RFX7: variants seen among roughly 807,000 people sequenced by gnomAD.
RFX7 encodes the protein regulatory factor X7, also known as DNA-binding protein RFX7.
A neutral mutation model predicts 111.8 loss-of-function variants in RFX7; 26 were observed. The ratio of observed to expected loss-of-function variants is 0.23; its 90% CI spans 0.17 to 0.32. The LOEUF (loss-of-function observed/expected upper bound fraction) is 0.32, where lower values mean the gene tolerates loss of function less well. RFX7 is among the 10% of genes least tolerant of loss of function. The pLI is 1.00. For missense variants in RFX7, 1,573 were observed against 1,772.9 expected (o/e 0.89, Z 2.02); for synonymous variants, 624 against 624.4 (o/e 1.00, Z 0.01).
chr15:56,107,061 G>A (rs1421930267), intron 5 of RFX7, among the ~76,000 whole-genome samples: 1 of 151,996 alleles, frequency 6.6e-6, no homozygotes, highest in East Asian at 1.9e-4. Context: ...ACTTTGGGAG[G>A]CCGAGGCAGG....
chr15:56,149,069 C>A (rs576655329), intron 3 of RFX7, among the ~76,000 whole-genome samples: 2 of 141,402 alleles, frequency 1.4e-5, no homozygotes, highest in Non-Finnish European at 3.0e-5. Flanking sequence ...AGCGACAGAG[C>A]GAGACTCCGT....
At position 56,090,182 on chromosome 15, in the gene RFX7, C is replaced by G. The variant is rs1240758460; in HGVS notation, c.*3163G>C. Reference sequence around the variant, plus strand: ...AACACAGCTATGCTTAAAATTTTCTCATTTTCTATTCAGAGCTCCAGAAAT... The same window carrying G: ...AACACAGCTATGCTTAAAATTTTCTGATTTTCTATTCAGAGCTCCAGAAAT... On this transcript the variant is annotated 3_prime_UTR_variant, in exon 10 of 10. Coordinates refer to ENST00000559447, the MANE Select transcript of RFX7 (RefSeq NM_022841.7). The G allele has an allele frequency of 6.6e-6, 1 of 152,174 alleles. No homozygotes were observed. The highest frequency in any genetic ancestry group is 1.5e-5 in the Non-Finnish European group (1 of 68,018). 9.4% of individuals were successfully genotyped at this position (152,174 alleles called of 1,614,324 possible). A position where few individuals can be genotyped will look rare whatever the true frequency, so the allele number is the denominator to read the frequency against.
intron 2 of RFX7, among the ~76,000 whole-genome samples, chr15:56,227,100 T>C (rs1441755151): frequency 6.6e-6 from 1 of 152,228 alleles, no homozygotes; most frequent in Non-Finnish European, 1.5e-5. Context: ...TACATAACAC[T>C]GGCACCAAAT....
intron 3 of RFX7, among the ~76,000 whole-genome samples, chr15:56,148,775 G>C (rs189453658): frequency 2.6e-5 from 4 of 152,208 alleles, no homozygotes; most frequent in Admixed American, 2.0e-4. Context: ...TCACTACTCA[G>C]CTGACAGTTA....
At chr15:56,221,494 G>A (rs1361130588) in intron 2 of RFX7, among the ~76,000 whole-genome samples, 2 of 152,018 alleles carry the variant, frequency 1.3e-5, no homozygotes, top group African/African-American at 4.8e-5. Flanking sequence ...TATATAGTTG[G>A]AGCTTGCTCT....
Position 56,186,023 on chromosome 15 carries a change from C to T in RFX7, c.162-6720G>A, listed in dbSNP as rs148468772. ...TAATGGTTCCAGACCAATTTGTATA[C>T]GGATTTATTGATTTAGAGTCCTTGT... On this transcript the variant is annotated intron_variant, in intron 2 of 9. Coordinates refer to ENST00000559447, the MANE Select transcript of RFX7 (RefSeq NM_022841.7). 4.3e-3 allele frequency among the ~76,000 whole-genome samples: 657 copies of T among 152,250 alleles called. 5 individuals are homozygous for T. Among genetic ancestry groups the T allele is most frequent in the African/African-American group, 0.015 (614 of 41,536 alleles).
At chr15:56,165,380 A>G (rs1305586392) in intron 3 of RFX7, among the ~76,000 whole-genome samples, 1 of 152,234 alleles carries the variant, frequency 6.6e-6, no homozygotes, top group Non-Finnish European at 1.5e-5. Context: ...GACTCACTAC[A>G]CAATTATCTA....
intron 1 of RFX7, 25 bp downstream of exon 1, chr15:56,243,420 G>A (rs905387931): frequency 8.8e-6 from 10 of 1,130,614 alleles, no homozygotes. Flanking sequence ...GAGGAGGAAG[G>A]AAGCTGGATA....
At chr15:56,211,359 C>T (rs150897093) in intron 2 of RFX7, among the ~76,000 whole-genome samples, 3 of 152,142 alleles carry the variant, frequency 2.0e-5, no homozygotes, top group African/African-American at 7.2e-5. Context: ...AAAAACAAAA[C>T]AAACAAAAAC....
chr15:56,105,886 C>A (rs893889689), intron 5 of RFX7, among the ~76,000 whole-genome samples: 1 of 152,046 alleles, frequency 6.6e-6, no homozygotes, highest in Non-Finnish European at 1.5e-5. Flanking sequence ...GGGGCAATTA[C>A]AAAAATTGTT....
intron 2 of RFX7, among the ~76,000 whole-genome samples, chr15:56,203,357 T>C (rs16976821): frequency 0.13 from 19,783 of 152,196 alleles, 1,675 homozygotes; most frequent in East Asian, 0.44. Context: ...AATTTAGGAA[T>C]TGCTGGGTTA....
In RFX7 at chr15:56,115,134, C is replaced by T. The variant is rs915392258; in HGVS notation, c.402-11464G>A. The stretch of plus-strand genomic sequence containing the variant: ...AAGCAATTCTCCTGCCTCAGCCTCC[C>T]GAGTAGCTGGGATTATAAGCGCCCA... On this transcript the variant is annotated intron_variant, in intron 5 of 9. Coordinates refer to ENST00000559447, the MANE Select transcript of RFX7 (RefSeq NM_022841.7). Among the ~76,000 whole-genome samples the T allele has an allele frequency of 2.0e-5, 3 of 152,128 alleles. No individual in the cohort carries two copies. In the East Asian group the frequency reaches 5.8e-4, roughly 29 times the overall value.
intron 2 of RFX7, among the ~76,000 whole-genome samples, chr15:56,241,131 A>G (rs2043684775): frequency 1.3e-5 from 2 of 152,154 alleles, no homozygotes. Context: ...ATTTTAAAAC[A>G]AAAATATAAA....
At chr15:56,209,127 T>G (rs2043285542) in intron 2 of RFX7, among the ~76,000 whole-genome samples, 1 of 151,876 alleles carries the variant, frequency 6.6e-6, no homozygotes, top group South Asian at 2.1e-4. Context: ...CTTAGGCATA[T>G]AATTCTCAAA....
At chr15:56,126,719 A>T (rs1210925601) in intron 5 of RFX7, among the ~76,000 whole-genome samples, 2 of 152,204 alleles carry the variant, frequency 1.3e-5, no homozygotes, top group African/African-American at 4.8e-5. Flanking sequence ...AGAAAAGATA[A>T]AGCATGGCTA....
At position 56,119,682 on chromosome 15, in the gene RFX7, C is replaced by T. The variant is rs553291801; in HGVS notation, c.402-16012G>A. Among the ~76,000 whole-genome samples, 3 of 150,160 alleles carry T rather than the reference C, an allele frequency of 2.0e-5. No individual in the cohort carries two copies. In the Admixed American group the frequency reaches 2.0e-4, roughly 10 times the overall value. ...GTTCCAGCTACTTGGGGGGCTGAGG[C>T]AGGAGAATCGCGTGAACCTGGGAGG... On this transcript the variant is annotated intron_variant, in intron 5 of 9. Coordinates refer to ENST00000559447, the MANE Select transcript of RFX7 (RefSeq NM_022841.7).
chr15:56,113,461 G>A (rs2140945999), intron 5 of RFX7, among the ~76,000 whole-genome samples: 1 of 152,244 alleles, frequency 6.6e-6, no homozygotes, highest in Non-Finnish European at 1.5e-5. Flanking sequence ...AGAACACATG[G>A]ACACAGGGAG....
At chr15:56,160,357 T>TC in intron 3 of RFX7, among the ~76,000 whole-genome samples, 1 of 152,210 alleles carries the variant, frequency 6.6e-6, no homozygotes, top group South Asian at 2.1e-4. Flanking sequence ...AAAAGTTTTT[T>TC]TTTTTTTTTA....
chr15:56,228,533 T>G (rs2043511241), intron 2 of RFX7, among the ~76,000 whole-genome samples: 1 of 152,142 alleles, frequency 6.6e-6, no homozygotes. Context: ...CACTAAGTGC[T>G]CTAAAGAAAA....
Sources: gnomAD v4.1 joint callset for allele counts (sites outside exome capture counted in the v4.1 genomes callset) on GRCh38, gnomAD v4.1.1 for gene constraint, MANE v1.5 for transcripts, NCBI Gene and HGNC (gene_info 2026-07-23, HGNC 2026-07-21) for gene names.